NDE1: variants seen among roughly 807,000 people sequenced by gnomAD.
NDE1 encodes nuclear distribution protein nudE homolog 1.
A neutral mutation model predicts 43.4 loss-of-function variants in NDE1; 28 were observed. The observed-to-expected ratio is 0.65, with a 90% CI of 0.48 to 0.89. NDE1 has a LOEUF of 0.89. Ranked by LOEUF, NDE1 falls within the 40% of genes least tolerant of loss-of-function variation. The pLI is 0.00. For synonymous variants in NDE1, 184 were observed against 172.0 expected, an observed-to-expected ratio of 1.07 and a Z score of -0.55; for missense variants, 441 against 434.1, an observed-to-expected ratio of 1.02 and a Z score of -0.14.
chr16:15,716,616 C>T (rs116535340), intron 8 of NDE1, among the ~76,000 whole-genome samples: 1,820 of 152,166 alleles, frequency 0.012, 36 homozygotes, highest in African/African-American at 0.041. Flanking sequence ...CCACGTGTCA[C>T]GTTGGAGTGA....
intron 3 of NDE1, among the ~76,000 whole-genome samples, chr16:15,669,751 T>TC (rs1439880868): frequency 1.3e-5 from 2 of 152,134 alleles, no homozygotes; most frequent in Non-Finnish European, 2.9e-5. Context: ...CGCCTCAGCC[T>TC]CCCAAAGTGC....
intron 3 of NDE1, among the ~76,000 whole-genome samples, chr16:15,675,740 A>G (rs557930763): frequency 2.2e-4 from 33 of 152,004 alleles, no homozygotes; most frequent in Non-Finnish European, 4.3e-4. Context: ...GTGTTTGGTG[A>G]AGGAAAGTAA....
At chr16:15,690,957 A>G (rs1482445510) in intron 5 of NDE1, among the ~76,000 whole-genome samples, 187 bp from the exon 6 acceptor site, 1 of 152,064 alleles carries the variant, frequency 6.6e-6, no homozygotes, top group Non-Finnish European at 1.5e-5. Context: ...ACAGGTGCCT[A>G]CTACCATGCT....
intron 6 of NDE1, among the ~76,000 whole-genome samples, chr16:15,693,817 A>C (rs771931567): frequency 6.6e-6 from 1 of 152,114 alleles, no homozygotes; most frequent in African/African-American, 2.4e-5. Flanking sequence ...GCACATGGCT[A>C]TAATCCCAGC....
chr16:15,668,100 A>G (rs2037409976), intron 3 of NDE1, among the ~76,000 whole-genome samples: 1 of 151,996 alleles, frequency 6.6e-6, no homozygotes, highest in African/African-American at 2.4e-5. Context: ...GAGGTGGTGC[A>G]TACCTGTAAT....
At chr16:15,644,108 AAAGC>A (rs1390390828) in intron 1 of NDE1, among the ~76,000 whole-genome samples, 1 of 152,246 alleles carries the variant, frequency 6.6e-6, no homozygotes, top group Non-Finnish European at 1.5e-5. Context: ...AATTAGGAAA[AAAGC>A]AAAGCACATA....
Position 15,724,498 on chromosome 16 carries a change from T to C in NDE1, c.*247T>C, listed in dbSNP as rs2040648371. On this transcript the variant is annotated 3_prime_UTR_variant, in exon 9 of 9. Transcript: ENST00000396354. ...CACAGACTCTGAGAAGCGAAGACCA[T>C]GTCTCCTCGTTGGAGAAACCCAATA... 5.6e-6 allele frequency: 9 copies of C among 1,608,356 alleles called. No homozygotes were observed. The African/African-American group carries it at 6.7e-5, about 12-fold the overall frequency.
intron 3 of NDE1, among the ~76,000 whole-genome samples, chr16:15,670,319 G>A (rs555074486): frequency 3.3e-5 from 5 of 152,148 alleles, no homozygotes; most frequent in African/African-American, 7.2e-5. Context: ...AGCAGTTGGG[G>A]ACGTGAAGCT....
At position 15,724,939 on chromosome 16, in the gene NDE1, A is replaced by C. The variant is rs1169233127; in HGVS notation, c.*688A>C. 1 of 1,614,134 alleles carries C rather than the reference A, an allele frequency of 6.2e-7. No individual in the cohort carries two copies. The highest frequency in any genetic ancestry group is 8.5e-7 in the Non-Finnish European group (1 of 1,180,032). Reference sequence around the variant, plus strand: ...GGGACGCCACGTCCTTGGCCAGCTTAATGGCCTTCCCCTCGGCCTCGTTAA... The same window carrying C: ...GGGACGCCACGTCCTTGGCCAGCTTCATGGCCTTCCCCTCGGCCTCGTTAA... On this transcript the variant is annotated 3_prime_UTR_variant, in exon 9 of 9. Transcript: ENST00000396354.
chr16:15,698,474 T>C (rs1248500131), intron 8 of NDE1, among the ~76,000 whole-genome samples: 5 of 152,100 alleles, frequency 3.3e-5, no homozygotes, highest in African/African-American at 1.2e-4. Flanking sequence ...CCCCAAGCCG[T>C]AGGAATTTGA....
chr16:15,664,403 C>T (rs1343660307), intron 1 of NDE1, among the ~76,000 whole-genome samples: 2 of 152,062 alleles, frequency 1.3e-5, no homozygotes, highest in African/African-American at 2.4e-5. Flanking sequence ...GTCACTCAAG[C>T]TGGAGTGCAG....
chr16:15,708,249 GA>G (rs1332932834), intron 8 of NDE1, among the ~76,000 whole-genome samples: 1 of 152,194 alleles, frequency 6.6e-6, no homozygotes, highest in Non-Finnish European at 1.5e-5. Context: ...TTCCTTCGCA[GA>G]CAAGCCTGTG....
rs1185065246 is a variant in NDE1, at chr16:15,696,705, C to G, written c.796-4C>G. ...TTGAGAGATAAAAGTGTATTTCTGT[C>G]CAGGCACTGGAGTCCAAACTCGCTT... On this transcript the variant is annotated splice_polypyrimidine_tract_variant and splice_region_variant and intron_variant, in intron 7 of 8. Transcript: ENST00000396354. 1 of 1,614,196 alleles carries G rather than the reference C, an allele frequency of 6.2e-7. No homozygotes were observed. Among genetic ancestry groups the G allele is most frequent in the South Asian group, 1.1e-5 (1 of 91,084 alleles).
intron 5 of NDE1, among the ~76,000 whole-genome samples, chr16:15,689,216 A>G (rs953233318): frequency 3.3e-5 from 5 of 152,238 alleles, no homozygotes; most frequent in Non-Finnish European, 7.3e-5. Context: ...AAGGCTAGGC[A>G]CAGTGGCTGA....
At chr16:15,702,166 T>C (rs571168941) in intron 8 of NDE1, 23 of 152,362 alleles carry the variant, frequency 1.5e-4, no homozygotes, top group African/African-American at 4.3e-4. Context: ...ATCTGTCTGA[T>C]CCCATGGAGT....
At chr16:15,688,436 A>G (rs2038549905) in intron 5 of NDE1, among the ~76,000 whole-genome samples, 1 of 151,720 alleles carries the variant, frequency 6.6e-6, no homozygotes, top group Non-Finnish European at 1.5e-5. Flanking sequence ...GGAGTTTGAG[A>G]CCAGCCTGGA....
chr16:15,677,557 G>A (rs890148917), intron 3 of NDE1, among the ~76,000 whole-genome samples: 13 of 151,598 alleles, frequency 8.6e-5, no homozygotes, highest in Admixed American at 7.9e-4. Flanking sequence ...CTGCACTCAA[G>A]CCTGGGCAAC....
At chr16:15,681,007 C>G (rs537092043) in intron 4 of NDE1, among the ~76,000 whole-genome samples, 5 of 151,596 alleles carry the variant, frequency 3.3e-5, no homozygotes, top group Non-Finnish European at 5.9e-5. Flanking sequence ...TTTAGGTCAT[C>G]AGTTACATCT....
intron 1 of NDE1, among the ~76,000 whole-genome samples, chr16:15,651,261 C>T (rs1460744805): frequency 6.6e-6 from 1 of 152,066 alleles, no homozygotes; most frequent in African/African-American, 2.4e-5. Context: ...CTTTGCAGCA[C>T]GACCTAGGCA....
Sources: allele counts gnomAD v4.1 joint callset (sites outside exome capture counted in the v4.1 genomes callset), GRCh38; gene constraint gnomAD v4.1.1; transcripts MANE v1.5; gene names NCBI Gene and HGNC (gene_info 2026-07-23, HGNC 2026-07-21).